Variants in HCRTR2 observed in about 807,000 individuals in gnomAD.
The protein encoded by HCRTR2 is orexin receptor type 2.
In HCRTR2, 22 loss-of-function variants were observed where a neutral mutation model predicts 49.0. The ratio of observed to expected loss-of-function variants is 0.45; its 90% confidence interval spans 0.32 to 0.64. The LOEUF (loss-of-function observed/expected upper bound fraction) is 0.64, where lower values mean the gene tolerates loss of function less well. HCRTR2 is among the 30% of genes least tolerant of loss of function. The probability of loss-of-function intolerance (pLI) is 0.04; values close to 1 mark genes in which losing one functional copy is unlikely to be tolerated. For synonymous variants in HCRTR2, 236 were observed against 205.3 expected (o/e 1.15, Z -1.28); for missense variants, 491 against 559.4 (o/e 0.88, Z 1.23).
At chr6:55,139,684 T>C (rs1764480516) in intron 1 of HCRTR2, among the ~76,000 whole-genome samples, 1 of 152,148 alleles carries the variant, frequency 6.6e-6, no homozygotes, top group Non-Finnish European at 1.5e-5. Flanking sequence ...CTTCAAAGCA[T>C]GATGCTTTAT....
chr6:55,196,081 A>G (rs1765404351), intron 1 of HCRTR2, among the ~76,000 whole-genome samples: 1 of 152,238 alleles, frequency 6.6e-6, no homozygotes, highest in Non-Finnish European at 1.5e-5. Context: ...TTTTTCCTAT[A>G]GCATAGAGAT....
In HCRTR2 at chr6:55,261,284, G is replaced by A. The variant is rs566901196; in HGVS notation, c.647-2423G>A. On this transcript the variant is annotated intron_variant, in intron 3 of 6. Transcript: ENST00000370862. ...CTTATCAAAAGTTGGCTAAGAACAT[G>A]AATAGACAATTCTCAAAAGAAGGTA... Among the ~76,000 whole-genome samples, 21 of 152,088 alleles carry A rather than the reference G, an allele frequency of 1.4e-4. 1 individual carries two copies. The highest frequency in any genetic ancestry group is 1.4e-3 in the Admixed American group (21 of 15,270).
At chr6:55,256,756 C>T (rs953806869) in intron 3 of HCRTR2, among the ~76,000 whole-genome samples, 2 of 151,760 alleles carry the variant, frequency 1.3e-5, no homozygotes, top group Non-Finnish European at 2.9e-5. Context: ...TGTCTTATGT[C>T]CCATTCATTT....
intron 1 of HCRTR2, among the ~76,000 whole-genome samples, chr6:55,221,585 GGTC>G (rs1765894296): frequency 6.6e-6 from 1 of 151,700 alleles, no homozygotes; most frequent in Non-Finnish European, 1.5e-5. Context: ...AGGCCAAGGG[GGTC>G]AGATCACGAG....
chr6:55,195,103 A>C (rs1402326951), intron 1 of HCRTR2, among the ~76,000 whole-genome samples: 1 of 152,140 alleles, frequency 6.6e-6, no homozygotes, highest in Admixed American at 6.5e-5. Flanking sequence ...AATTAAAGGC[A>C]GGAAGAGAAA....
chr6:55,116,043 C>G (rs1460929315), intron 1 of HCRTR2, among the ~76,000 whole-genome samples: 3 of 151,544 alleles, frequency 2.0e-5, no homozygotes, highest in Admixed American at 1.3e-4. Context: ...TTTTTTGTCT[C>G]AAGACATTTC....
chr6:55,175,537 G>T (rs1765024871), intron 1 of HCRTR2, among the ~76,000 whole-genome samples: 1 of 151,342 alleles, frequency 6.6e-6, no homozygotes, highest in South Asian at 2.1e-4. Context: ...TCTGCTTGTT[G>T]CCAGGCTCAG....
intron 1 of HCRTR2, among the ~76,000 whole-genome samples, chr6:55,234,651 A>G (rs1001553265): frequency 1.3e-5 from 2 of 152,146 alleles, no homozygotes; most frequent in Non-Finnish European, 2.9e-5. Flanking sequence ...GTACACCAGA[A>G]TATCTAACTC....
chr6:55,198,922 G>T (rs557505585), intron 1 of HCRTR2, among the ~76,000 whole-genome samples: 1 of 152,138 alleles, frequency 6.6e-6, no homozygotes, highest in African/African-American at 2.4e-5. Context: ...AAGATGAAAT[G>T]GCCTCAGGCC....
At chr6:55,141,178 C>CAAAA (rs57936133) in intron 1 of HCRTR2, among the ~76,000 whole-genome samples, 2 of 131,918 alleles carry the variant, frequency 1.5e-5, no homozygotes, top group Admixed American at 8.0e-5. Context: ...ACTAAAAATA[C>CAAAA]AAAAAAAAAA....
At chr6:55,148,472 C>T (rs9475172) in intron 1 of HCRTR2, among the ~76,000 whole-genome samples, 1 of 152,074 alleles carries the variant, frequency 6.6e-6, no homozygotes, top group African/African-American at 2.4e-5. Context: ...AGATGGATGT[C>T]AGGCAGTAAC....
chr6:55,161,046 C>T (rs1441568767), intron 1 of HCRTR2, among the ~76,000 whole-genome samples: 1 of 152,172 alleles, frequency 6.6e-6, no homozygotes, highest in Non-Finnish European at 1.5e-5. Context: ...CTCAGCACCA[C>T]ATTGCACTTA....
chr6:55,171,619 A>G (rs532437461), upstream of HCRTR2, among the ~76,000 whole-genome samples: 3 of 152,370 alleles, frequency 2.0e-5, no homozygotes, highest in South Asian at 6.2e-4. Context: ...AGTACCACAT[A>G]TTTAGAAGAA....
intron 1 of HCRTR2, among the ~76,000 whole-genome samples, chr6:55,247,092 TAACA>T (rs1766459589): frequency 6.6e-6 from 1 of 152,056 alleles, no homozygotes; most frequent in African/African-American, 2.4e-5. Context: ...AATTTTCTCA[TAACA>T]AACTGTGATA....
intron 1 of HCRTR2, among the ~76,000 whole-genome samples, chr6:55,235,538 AT>A (rs1766198239): frequency 6.6e-6 from 1 of 152,094 alleles, no homozygotes; most frequent in Non-Finnish European, 1.5e-5. Flanking sequence ...TGTTTAATAC[AT>A]TTGAGGAAAT....
chr6:55,171,173 A>AAAC (rs1764944760), upstream of HCRTR2, among the ~76,000 whole-genome samples: 2 of 152,230 alleles, frequency 1.3e-5, no homozygotes, highest in South Asian at 4.1e-4. Context: ...TTCCACAATG[A>AAAC]TTGAACTAGT....
At chr6:55,198,046 A>G (rs1274610837) in intron 1 of HCRTR2, among the ~76,000 whole-genome samples, 3 of 152,178 alleles carry the variant, frequency 2.0e-5, no homozygotes, top group Non-Finnish European at 2.9e-5. Context: ...TCCTATCTCA[A>G]TTCCACCCAA....
intron 1 of HCRTR2, among the ~76,000 whole-genome samples, chr6:55,230,667 A>G (rs1029131995): frequency 6.6e-6 from 1 of 152,170 alleles, no homozygotes; most frequent in Non-Finnish European, 1.5e-5. Flanking sequence ...ACAGTTTTGT[A>G]TTTTGTACGA....
intron 1 of HCRTR2, among the ~76,000 whole-genome samples, chr6:55,200,821 A>C (rs1581825397): frequency 6.6e-6 from 1 of 152,144 alleles, no homozygotes; most frequent in African/African-American, 2.4e-5. Flanking sequence ...CATGTTCTTT[A>C]ATTCTGTTTA....
Sources: gnomAD v4.1 joint callset for allele counts (sites outside exome capture counted in the v4.1 genomes callset) on GRCh38, gnomAD v4.1.1 for gene constraint, MANE v1.5 for transcripts, NCBI Gene and HGNC (gene_info 2026-07-23, HGNC 2026-07-21) for gene names.